The following RGCC variants were observed in gnomAD, a reference collection of about 807,000 sequenced individuals.
RGCC encodes the protein regulator of cell cycle RGCC.
RGCC carries 15 observed loss-of-function variants against 15.4 expected under a neutral mutation model. The ratio of observed to expected loss-of-function variants is 0.97; its 90% CI spans 0.65 to 1.50. The LOEUF is 1.50. Ranked by LOEUF, RGCC falls within the 40% of genes most tolerant of loss-of-function variation. The probability of loss-of-function intolerance (pLI) is 0.00; values close to 1 mark genes in which losing one functional copy is unlikely to be tolerated. For synonymous variants in RGCC, 81 were observed against 78.0 expected, an observed-to-expected ratio of 1.04 and a Z score of -0.20; for missense variants, 176 against 189.7, an observed-to-expected ratio of 0.93 and a Z score of 0.42.
At chr13:41,468,906 T>C (rs1339351821) in intron 4 of RGCC, 68 bp downstream of exon 4, 1 of 1,208,418 alleles carries the variant, frequency 8.3e-7, no homozygotes, top group Non-Finnish European at 1.2e-6. Context: ...TAAAGTGTTG[T>C]AATGTTAACC....
At chr13:41,467,421 C>T (rs1462735026) in intron 3 of RGCC, among the ~76,000 whole-genome samples, 1 of 152,214 alleles carries the variant, frequency 6.6e-6, no homozygotes, top group Non-Finnish European at 1.5e-5. Flanking sequence ...AAAATAGCAG[C>T]TCCAGCCTGT....
chr13:41,469,283 T>TAAGAAGAAGAAG (rs1232529655), intron 4 of RGCC, among the ~76,000 whole-genome samples: 6 of 115,790 alleles, frequency 5.2e-5, no homozygotes, highest in African/African-American at 2.1e-4. Flanking sequence ...ATAATAATAA[T>TAAGAAGAAGAAG]AATAATAATA....
intron 3 of RGCC, among the ~76,000 whole-genome samples, chr13:41,467,282 A>G (rs932207189): frequency 1.3e-5 from 2 of 152,248 alleles, no homozygotes; most frequent in South Asian, 2.1e-4. Context: ...TTTAAAACTC[A>G]GCAGTTTGCC....
chr13:41,469,255 G>A (rs546499932), intron 4 of RGCC, among the ~76,000 whole-genome samples: 4 of 145,026 alleles, frequency 2.8e-5, no homozygotes, highest in East Asian at 2.0e-4. Flanking sequence ...GCAAGACTCC[G>A]TCAAAATAGT....
At chr13:41,470,128 A>C (rs2043868962) in intron 4 of RGCC, among the ~76,000 whole-genome samples, 1 of 151,578 alleles carries the variant, frequency 6.6e-6, no homozygotes, top group African/African-American at 2.4e-5. Flanking sequence ...TCTTGCAGAC[A>C]AACCTAAATA....
chr13:41,469,289 T>G (rs765683599), intron 4 of RGCC, among the ~76,000 whole-genome samples: 1,330 of 101,004 alleles, frequency 0.013, 22 homozygotes, highest in East Asian at 0.086. Context: ...ATAATAATAA[T>G]AATAATAAGA....
At position 41,457,882 on chromosome 13, in the gene RGCC, C is replaced by G; in HGVS notation, c.49+126C>G. ...ATCCTCCCCGGCGGGAACCTGTCCC[C>G]GGTCTTCCCGCGCGGGCGGCTGCAG... On this transcript the variant is annotated intron_variant, in intron 1 of 4. Transcript: ENST00000379359. This position sits in a 1 kb window ranked among gnomAD's most constrained non-coding sequence, Gnocchi z 4.9. 7.7e-7 allele frequency: 1 copy of G among 1,299,710 alleles called. No individual in the cohort carries two copies. Among genetic ancestry groups the G allele is most frequent in the South Asian group, 2.3e-5 (1 of 43,586 alleles). 80.5% of individuals were successfully genotyped at this position (1,299,710 alleles called of 1,614,324 possible).
intron 2 of RGCC, among the ~76,000 whole-genome samples, chr13:41,463,805 T>C (rs1345466863): frequency 6.6e-6 from 1 of 152,224 alleles, no homozygotes; most frequent in Non-Finnish European, 1.5e-5. Flanking sequence ...GAGTCTTTCC[T>C]GAATCTTTGC....
intron 2 of RGCC, among the ~76,000 whole-genome samples, chr13:41,465,552 T>TGCC (rs145244390): frequency 0.66 from 100,266 of 151,314 alleles, 34,357 homozygotes; most frequent in South Asian, 0.81. Context: ...GGCCCAGAGA[T>TGCC]GTACTAGCTC....
Position 41,458,178 on chromosome 13 carries a change from C to G in RGCC, c.50-107C>G. 1 of 935,856 alleles carries G rather than the reference C, an allele frequency of 1.1e-6. No homozygotes were observed. The highest frequency in any genetic ancestry group is 1.6e-6 in the Non-Finnish European group (1 of 641,020). The allele number at this position is 935,856 out of a possible 1,614,324, so 58.0% of individuals were successfully genotyped here. ...GCGTGGCTGTCACTTGGCAGAGGCG[C>G]CAAGTGTCAGTTATCTTCGGGAACC... On this transcript the variant is annotated intron_variant, in intron 1 of 4. Coordinates refer to ENST00000379359, the MANE Select transcript of RGCC (RefSeq NM_014059.3). The surrounding 1 kb of genome is among the most constrained non-coding windows in gnomAD (Gnocchi z 4.4).
intron 2 of RGCC, among the ~76,000 whole-genome samples, chr13:41,462,380 A>G (rs2043826089): frequency 1.3e-5 from 2 of 152,112 alleles, no homozygotes; most frequent in African/African-American, 4.8e-5. Flanking sequence ...TATATTTCAT[A>G]TGCTTTTCTT....
chr13:41,457,714 C>T lies in RGCC; in HGVS notation c.7C>T (p.Pro3Ser). The change falls in exon 1 of 5, where the codon CCG (proline) becomes TCG (serine). Residue 3 changes from proline to serine, a missense_variant. Coordinates refer to ENST00000379359, the MANE Select transcript of RGCC (RefSeq NM_014059.3). The surrounding 1 kb of genome is among the most constrained non-coding windows in gnomAD (Gnocchi z 4.9). Reference protein sequence around the residue: MKPPAAQGSPAAA... With the variant: MKSPAAQGSPAAA... ...GGCCCAGCTGAGCCGCCTCATGAAG[C>T]CGCCCGCGGCGCAGGGCAGCCCCGC... The T allele has an allele frequency of 1.4e-6, 2 of 1,478,068 alleles. No individual in the cohort carries two copies. Among genetic ancestry groups the T allele is most frequent in the Non-Finnish European group, 1.8e-6 (2 of 1,115,832 alleles). The allele number at this position is 1,478,068 out of a possible 1,614,324, so 91.6% of individuals were successfully genotyped here. A position where few individuals can be genotyped will look rare whatever the true frequency, so the allele number is the denominator to read the frequency against.
At chr13:41,469,439 TTTG>T (rs1397919617) in intron 4 of RGCC, among the ~76,000 whole-genome samples, 2 of 151,930 alleles carry the variant, frequency 1.3e-5, no homozygotes, top group African/African-American at 4.8e-5. Flanking sequence ...ACAATGGCAT[TTTG>T]TTTGAGAAAT....
chr13:41,461,797 A>C (rs1053123087), intron 2 of RGCC, among the ~76,000 whole-genome samples: 2 of 152,234 alleles, frequency 1.3e-5, no homozygotes, highest in Non-Finnish European at 2.9e-5. Flanking sequence ...GAGAACCAGC[A>C]TGACAGATGG....
At chr13:41,467,990 AT>A (rs1460513534) in intron 3 of RGCC, among the ~76,000 whole-genome samples, 4 of 152,178 alleles carry the variant, frequency 2.6e-5, no homozygotes, top group Admixed American at 1.3e-4. Context: ...CCAGTACTGC[AT>A]TTCAGGGAAG....
chr13:41,458,460 C>G lies in RGCC; in HGVS notation c.225C>G (p.Ser75Arg). The G allele has an allele frequency of 6.3e-7, 1 of 1,596,774 alleles. No homozygotes were observed. Among genetic ancestry groups the G allele is most frequent in the Admixed American group, 1.7e-5 (1 of 59,320 alleles). ...GTGTCAGCGACAGCAGCGGCTTCAG[C>G]GACTCGGAGAGTAAGTGCGGCCCCC... ...SASVSDSSGF[S>R]DSESADSLYR... The change falls in exon 2 of 5, where the codon AGC (serine) becomes AGG (arginine). Residue 75 changes from serine (S) to arginine (R), a missense_variant. By Grantham distance (110) the Ser-to-Arg change is moderately radical (BLOSUM62 -1). Coordinates refer to ENST00000379359, the MANE Select transcript of RGCC (RefSeq NM_014059.3). The surrounding 1 kb of genome is among the most constrained non-coding windows in gnomAD (Gnocchi z 4.4).
chr13:41,458,381 G>T lies in RGCC; in HGVS notation c.146G>T (p.Arg49Leu). The T allele has an allele frequency of 6.3e-7, 1 of 1,598,332 alleles. No individual in the cohort carries two copies. Among genetic ancestry groups the T allele is most frequent in the East Asian group, 2.2e-5 (1 of 44,536 alleles). ...GACTTCGCGTCGCCCTTCCACGAGC[G>T]CCACTTCCACTACGAGGAGCACCTG... ...LADFASPFHE[R>L]HFHYEEHLER... Residue 49 changes from arginine (R) to leucine (L), a missense_variant, in exon 2 of 5, where the codon CGC becomes CTC. Physicochemically the swap from Arg to Leu is moderately radical, Grantham distance 102. Coordinates refer to ENST00000379359, the MANE Select transcript of RGCC (RefSeq NM_014059.3). This position sits in a 1 kb window ranked among gnomAD's most constrained non-coding sequence, Gnocchi z 4.4.
At chr13:41,469,802 A>G (rs1196435517) in intron 4 of RGCC, among the ~76,000 whole-genome samples, 2 of 152,196 alleles carry the variant, frequency 1.3e-5, no homozygotes, top group African/African-American at 4.8e-5. Flanking sequence ...ACATCAAATT[A>G]TAACTGCAGT....
chr13:41,457,598 C>A lies in RGCC; in HGVS notation c.-110C>A, dbSNP rs1183238750. On this transcript the variant is annotated 5_prime_UTR_variant, in exon 1 of 5. Coordinates refer to ENST00000379359, the MANE Select transcript of RGCC (RefSeq NM_014059.3). The surrounding 1 kb of genome is among the most constrained non-coding windows in gnomAD (Gnocchi z 4.9). ...GAGCGGCGCGGCTGGAGCGCAGCGC[C>A]GAAGGGACTGGCAGGGCTGAAGTGT... 2 of 1,443,188 alleles carry A rather than the reference C, an allele frequency of 1.4e-6. No homozygotes were observed. Among genetic ancestry groups the A allele is most frequent in the Non-Finnish European group, 1.8e-6 (2 of 1,101,748 alleles). 89.4% of individuals were successfully genotyped at this position (1,443,188 alleles called of 1,614,324 possible). A position where few individuals can be genotyped will look rare whatever the true frequency, so the allele number is the denominator to read the frequency against.
Sources: gnomAD v4.1 joint callset for allele counts (sites outside exome capture counted in the v4.1 genomes callset) on GRCh38, gnomAD v4.1.1 for gene constraint, Gnocchi (gnomAD v3.1) non-coding constraint, MANE v1.5 for transcripts, NCBI Gene and HGNC (gene_info 2026-07-23, HGNC 2026-07-21) for gene names.